Variants in KIAA1217 observed in about 807,000 individuals in gnomAD.
The protein encoded by KIAA1217 is sickle tail protein homolog.
KIAA1217 carries 88 observed loss-of-function variants against 163.9 expected under a neutral mutation model. The observed-to-expected ratio is 0.54, with a 90% CI of 0.45 to 0.64. The LOEUF (loss-of-function observed/expected upper bound fraction) is 0.64, where lower values mean the gene tolerates loss of function less well. Among genes scored for constraint, KIAA1217 ranks in the 30% least tolerant of loss-of-function variants. KIAA1217 has a pLI of 0.00. For missense variants in KIAA1217, 2,372 were observed against 2,475.0 expected (o/e 0.96, Z 0.88); for synonymous variants, 903 against 923.1 (o/e 0.98, Z 0.39).
chr10:23,716,801 T>C (rs11013653), intron 1 of KIAA1217, among the ~76,000 whole-genome samples: 3,206 of 152,288 alleles, frequency 0.021, 124 homozygotes, highest in African/African-American at 0.073. Context: ...TAAAGATTTC[T>C]TTCTGGACAA....
chr10:24,530,930 C>G (rs896032501), intron 14 of KIAA1217, among the ~76,000 whole-genome samples: 1 of 151,948 alleles, frequency 6.6e-6, no homozygotes, highest in Admixed American at 6.6e-5. Flanking sequence ...TGCAGTGGCT[C>G]ACACCTGTAA....
chr10:24,511,971 A>G, intron 9 of KIAA1217, among the ~76,000 whole-genome samples: 1 of 151,874 alleles, frequency 6.6e-6, no homozygotes, highest in East Asian at 1.9e-4. Flanking sequence ...CCTTTTTTGG[A>G]TAGACACAGA....
In KIAA1217 at chr10:24,267,952, G is replaced by A. The variant is rs376350917; in HGVS notation, c.354+48043G>A. ...TCCCATTATCTTACACCTAATTAAA[G>A]AGATAATGTGCCTTCTGATGACCCT... On this transcript the variant is annotated intron_variant, in intron 2 of 20. Coordinates refer to ENST00000376454, the MANE Select transcript of KIAA1217 (RefSeq NM_019590.5). 2.6e-4 allele frequency among the ~76,000 whole-genome samples: 39 copies of A among 152,284 alleles called. No homozygotes were observed. In the South Asian group the frequency reaches 7.7e-3, roughly 30 times the overall value.
At chr10:23,817,706 CT>C (rs1476223855) in intron 1 of KIAA1217, among the ~76,000 whole-genome samples, 1 of 151,878 alleles carries the variant, frequency 6.6e-6, no homozygotes, top group Non-Finnish European at 1.5e-5. Flanking sequence ...ATTTCAATGA[CT>C]TTGGTTACGG....
chr10:24,398,972 A>T (rs1230083269), intron 3 of KIAA1217, among the ~76,000 whole-genome samples: 1 of 152,174 alleles, frequency 6.6e-6, no homozygotes, highest in Non-Finnish European at 1.5e-5. Flanking sequence ...ACCATTAACA[A>T]CTACCTGACC....
intron 6 of KIAA1217, among the ~76,000 whole-genome samples, chr10:24,480,264 T>A (rs945794631): frequency 6.6e-6 from 1 of 152,222 alleles, no homozygotes; most frequent in African/African-American, 2.4e-5. Context: ...GAATACCCCA[T>A]GTTCAAGCAA....
intron 2 of KIAA1217, among the ~76,000 whole-genome samples, chr10:24,340,160 G>A (rs2046893295): frequency 1.3e-5 from 2 of 152,170 alleles, no homozygotes. Flanking sequence ...TTGGAGGGGT[G>A]TGAATCTGAT....
At chr10:24,102,949 G>A (rs1027001270) in intron 2 of KIAA1217, among the ~76,000 whole-genome samples, 1 of 152,162 alleles carries the variant, frequency 6.6e-6, no homozygotes, top group Non-Finnish European at 1.5e-5. Context: ...AGTCTCATGA[G>A]ATCTGATGGT....
At chr10:24,309,155 A>AGGGG (rs1564446308) in intron 2 of KIAA1217, among the ~76,000 whole-genome samples, 2 of 55,546 alleles carry the variant, frequency 3.6e-5, no homozygotes, top group South Asian at 7.2e-4. Context: ...GAAGGAAGGG[A>AGGGG]GGGAGGGAGG....
At chr10:24,469,021 T>G (rs2063221395) in intron 5 of KIAA1217, among the ~76,000 whole-genome samples, 1 of 152,242 alleles carries the variant, frequency 6.6e-6, no homozygotes, top group Non-Finnish European at 1.5e-5. Context: ...AGAAATGTAC[T>G]CAACTTTTTA....
chr10:23,956,566 C>A (rs1394192507), intron 1 of KIAA1217, among the ~76,000 whole-genome samples: 1 of 152,092 alleles, frequency 6.6e-6, no homozygotes, highest in Non-Finnish European at 1.5e-5. Context: ...AAAGACATTC[C>A]CTGTATTCGT....
At chr10:24,076,270 C>G (rs117473695) in intron 2 of KIAA1217, among the ~76,000 whole-genome samples, 1 of 152,168 alleles carries the variant, frequency 6.6e-6, no homozygotes, top group African/African-American at 2.4e-5. Context: ...TAATACTGAA[C>G]GCTCAGTATC....
intron 1 of KIAA1217, among the ~76,000 whole-genome samples, chr10:24,214,231 C>T (rs1345146855): frequency 2.0e-5 from 3 of 152,230 alleles, no homozygotes; most frequent in Middle Eastern, 3.4e-3. Flanking sequence ...GCCTGCTAAC[C>T]GATTATGTGT....
At chr10:24,022,873 A>C (rs1451959444) in intron 2 of KIAA1217, among the ~76,000 whole-genome samples, 1 of 151,566 alleles carries the variant, frequency 6.6e-6, no homozygotes, top group Non-Finnish European at 1.5e-5. Context: ...GTCAACAATT[A>C]TTCCTAGTCA....
intron 1 of KIAA1217, among the ~76,000 whole-genome samples, chr10:23,932,436 T>G (rs1247445876): frequency 6.6e-6 from 1 of 152,046 alleles, no homozygotes; most frequent in African/African-American, 2.4e-5. Context: ...AGTGCAACTT[T>G]AGAGATTTGT....
intron 1 of KIAA1217, among the ~76,000 whole-genome samples, chr10:23,993,553 C>CTTGTTTTTTTTTTTTTTT (rs1846318309): frequency 1.5e-5 from 1 of 68,956 alleles, no homozygotes; most frequent in Non-Finnish European, 2.4e-5. Context: ...CATAGCCCAG[C>CTTGTTTTTTTTTTTTTTT]TTTTTTTTTT....
chr10:23,887,666 C>A (rs1307384014), intron 1 of KIAA1217, among the ~76,000 whole-genome samples: 1 of 151,628 alleles, frequency 6.6e-6, no homozygotes, highest in Non-Finnish European at 1.5e-5. Context: ...TCGTGACAAT[C>A]CAGATGTGAT....
At chr10:23,797,313 C>T (rs912486256) in intron 1 of KIAA1217, among the ~76,000 whole-genome samples, 3 of 152,076 alleles carry the variant, frequency 2.0e-5, no homozygotes, top group African/African-American at 4.8e-5. Flanking sequence ...TTACTACTCA[C>T]AACTACCCTG....
chr10:24,294,973 G>A (rs886994082), intron 2 of KIAA1217, among the ~76,000 whole-genome samples: 3 of 152,104 alleles, frequency 2.0e-5, no homozygotes, highest in African/African-American at 4.8e-5. Context: ...TTCTGGAGGC[G>A]GCCCCTCTCA....
Sources: allele counts gnomAD v4.1 joint callset (sites outside exome capture counted in the v4.1 genomes callset), GRCh38; gene constraint gnomAD v4.1.1; transcripts MANE v1.5; gene names NCBI Gene and HGNC (gene_info 2026-07-23, HGNC 2026-07-21).